CLVS1: variants seen among roughly 807,000 people sequenced by gnomAD.
CLVS1 encodes clavesin 1.
CLVS1 carries 10 observed loss-of-function variants against 33.1 expected under a neutral mutation model. That is an observed-to-expected ratio of 0.30 (90% CI 0.19 to 0.51). The LOEUF is 0.51. Among genes scored for constraint, CLVS1 ranks in the 20% least tolerant of loss-of-function variants. The probability of loss-of-function intolerance (pLI) is 0.97; values close to 1 mark genes in which losing one functional copy is unlikely to be tolerated. For missense variants in CLVS1, 343 were observed against 433.4 expected (o/e 0.79, Z 1.85); for synonymous variants, 163 against 166.1 (o/e 0.98, Z 0.14).
At chr8:61,152,942 G>A (rs1806569963) in intron 2 of CLVS1, among the ~76,000 whole-genome samples, 1 of 152,068 alleles carries the variant, frequency 6.6e-6, no homozygotes, top group Admixed American at 6.6e-5. Context: ...TCAGAAGGTG[G>A]GCGGATAACC....
chr8:61,226,216 C>T (rs937947312), intron 2 of CLVS1, among the ~76,000 whole-genome samples: 7 of 151,978 alleles, frequency 4.6e-5, no homozygotes, highest in African/African-American at 1.7e-4. Context: ...TTAATGTGCT[C>T]CAGAAACAAA....
At chr8:61,029,124 A>G in the CLVS1 span, among the ~76,000 whole-genome samples, 2 of 152,366 alleles carry the variant, frequency 1.3e-5, no homozygotes, top group Admixed American at 1.3e-4. Flanking sequence ...GTGTCTTCAT[A>G]CAACTCCCTG....
chr8:61,346,405 G>A (rs957794334), intron 2 of CLVS1, among the ~76,000 whole-genome samples: 1 of 152,086 alleles, frequency 6.6e-6, no homozygotes, highest in African/African-American at 2.4e-5. Context: ...GGTCGCAGTT[G>A]AGGAAACTAA....
intron 1 of CLVS1, among the ~76,000 whole-genome samples, chr8:61,067,110 G>T (rs1159995683): frequency 6.6e-6 from 1 of 151,916 alleles, no homozygotes; most frequent in Non-Finnish European, 1.5e-5. Flanking sequence ...CATGAGGGGG[G>T]ATGAAATAAT....
chr8:61,229,455 G>A (rs1047147906), intron 2 of CLVS1, among the ~76,000 whole-genome samples: 2 of 152,124 alleles, frequency 1.3e-5, no homozygotes, highest in South Asian at 2.1e-4. Flanking sequence ...TTGGAGGCTC[G>A]GAATGACAAA....
intron 5 of CLVS1, among the ~76,000 whole-genome samples, chr8:61,472,436 A>T (rs539600225): frequency 6.6e-6 from 1 of 152,328 alleles, no homozygotes; most frequent in East Asian, 1.9e-4. Context: ...GAGAGAAGAA[A>T]GGAAAAATCG....
chr8:61,457,237 C>T (rs546792144), intron 4 of CLVS1, among the ~76,000 whole-genome samples: 16 of 152,196 alleles, frequency 1.1e-4, no homozygotes, highest in African/African-American at 3.1e-4. Context: ...GCACGTGGCC[C>T]ACGTTTATAT....
At chr8:61,247,058 A>G (rs1295767834) in intron 2 of CLVS1, among the ~76,000 whole-genome samples, 1 of 152,128 alleles carries the variant, frequency 6.6e-6, no homozygotes, top group African/African-American at 2.4e-5. Context: ...AACATGCAGT[A>G]TTTGATTTTG....
chr8:61,203,956 G>A (rs180776055), intron 2 of CLVS1, among the ~76,000 whole-genome samples: 1 of 152,356 alleles, frequency 6.6e-6, no homozygotes, highest in Non-Finnish European at 1.5e-5. Flanking sequence ...CTAGGTGGTA[G>A]TTACCTTCAT....
chr8:61,367,891 G>T (rs992334470), intron 2 of CLVS1, among the ~76,000 whole-genome samples: 1 of 152,144 alleles, frequency 6.6e-6, no homozygotes, highest in Non-Finnish European at 1.5e-5. Context: ...CTTCCACAAC[G>T]TACAGAATCA....
chr8:61,120,810 T>G (rs1805845022), intron 1 of CLVS1, among the ~76,000 whole-genome samples: 1 of 147,332 alleles, frequency 6.8e-6, no homozygotes, highest in Non-Finnish European at 1.5e-5. Context: ...TCTGCAGAGG[T>G]TACTGCTGTC....
chr8:61,080,874 C>G (rs528745286), intron 1 of CLVS1, among the ~76,000 whole-genome samples: 6 of 152,062 alleles, frequency 3.9e-5, no homozygotes, highest in Non-Finnish European at 8.8e-5. Flanking sequence ...TAGCGCTTGG[C>G]TGTAAGGATG....
At chr8:61,091,250 G>A (rs1290066378) in intron 1 of CLVS1, among the ~76,000 whole-genome samples, 1 of 152,206 alleles carries the variant, frequency 6.6e-6, no homozygotes, top group African/African-American at 2.4e-5. Context: ...CCTCTAGAAG[G>A]CGAAAGAGAC....
chr8:61,242,306 C>T (rs891947268), intron 2 of CLVS1, among the ~76,000 whole-genome samples: 7 of 152,098 alleles, frequency 4.6e-5, no homozygotes, highest in African/African-American at 1.4e-4. Context: ...AAAATTACTC[C>T]ACATATTTCT....
At chr8:61,077,641 A>G (rs755737921) in intron 1 of CLVS1, among the ~76,000 whole-genome samples, 1 of 152,026 alleles carries the variant, frequency 6.6e-6, no homozygotes, top group Non-Finnish European at 1.5e-5. Context: ...ATGCTTGGCT[A>G]ATTTTTGTAT....
At chr8:61,360,432 C>G (rs1418223355) in intron 2 of CLVS1, among the ~76,000 whole-genome samples, 1 of 151,884 alleles carries the variant, frequency 6.6e-6, no homozygotes, top group Non-Finnish European at 1.5e-5. Context: ...GCATTTAAAA[C>G]AGAATTGCCA....
intron 1 of CLVS1, among the ~76,000 whole-genome samples, chr8:61,068,671 T>C (rs1227510134): frequency 6.6e-6 from 1 of 152,078 alleles, no homozygotes; most frequent in Non-Finnish European, 1.5e-5. Context: ...TCTTCTACAA[T>C]TTACCTACAC....
At chr8:61,306,523 A>G (rs1284838114) in intron 2 of CLVS1, among the ~76,000 whole-genome samples, 3 of 152,178 alleles carry the variant, frequency 2.0e-5, no homozygotes, top group Admixed American at 2.0e-4. Context: ...TTTGCTGTAT[A>G]CCACATTGTC....
chr8:61,341,676 G>A (rs1186891273), intron 2 of CLVS1, among the ~76,000 whole-genome samples: 1 of 152,126 alleles, frequency 6.6e-6, no homozygotes, highest in Non-Finnish European at 1.5e-5. Flanking sequence ...CTGGGGTTGA[G>A]GATTTTGTTT....
Sources: allele counts gnomAD v4.1 joint callset (sites outside exome capture counted in the v4.1 genomes callset), GRCh38; gene constraint gnomAD v4.1.1; transcripts MANE v1.5; gene names NCBI Gene and HGNC (gene_info 2026-07-23, HGNC 2026-07-21).